COL22A1: variants seen among roughly 807,000 people sequenced by gnomAD.
COL22A1 encodes the protein collagen type XXII alpha 1 chain.
In COL22A1, 221 loss-of-function variants were observed where a neutral mutation model predicts 248.9. The observed-to-expected ratio is 0.89, with a 90% CI of 0.80 to 0.99. The LOEUF is 0.99. Among genes scored for constraint, COL22A1 ranks in the 50% least tolerant of loss-of-function variants. COL22A1 has a pLI of 0.00. For synonymous variants in COL22A1, 891 were observed against 793.4 expected, an observed-to-expected ratio of 1.12 and a Z score of -2.07; for missense variants, 2,240 against 2,179.0, an observed-to-expected ratio of 1.03 and a Z score of -0.56.
chr8:138,743,013 T>C (rs1831776857), intron 22 of COL22A1, among the ~76,000 whole-genome samples: 1 of 151,164 alleles, frequency 6.6e-6, no homozygotes, highest in African/African-American at 2.4e-5. Flanking sequence ...ATGGTAGTAG[T>C]GATTGTGATA....
chr8:138,694,599 C>G (rs576129081), intron 33 of COL22A1, 38 bp from the exon 34 acceptor site: 1 of 1,607,716 alleles, frequency 6.2e-7, no homozygotes, highest in Non-Finnish European at 8.5e-7. Context: ...AGCTCATCCT[C>G]CTGGTTCTGA....
chr8:138,880,146 T>G (rs1407540166), intron 2 of COL22A1, among the ~76,000 whole-genome samples: 1 of 152,212 alleles, frequency 6.6e-6, no homozygotes, highest in Non-Finnish European at 1.5e-5. Flanking sequence ...TAATACACAA[T>G]CACCTATGTG....
At chr8:138,826,557 G>A in intron 6 of COL22A1, 101 bp downstream of exon 6, 1 of 1,308,022 alleles carries the variant, frequency 7.6e-7, no homozygotes, top group Admixed American at 1.8e-5. Context: ...TCTAGGCCCA[G>A]GGATAAGAGC....
chr8:138,689,714 C>CA, intron 36 of COL22A1, among the ~76,000 whole-genome samples: 1 of 152,130 alleles, frequency 6.6e-6, no homozygotes, highest in South Asian at 2.1e-4. Flanking sequence ...AACTCCACCT[C>CA]AAAAAATAAA....
chr8:138,609,431 G>T (rs1257669058), intron 56 of COL22A1, among the ~76,000 whole-genome samples: 1 of 152,130 alleles, frequency 6.6e-6, no homozygotes, highest in Non-Finnish European at 1.5e-5. Flanking sequence ...GGATCCTGCT[G>T]GGAATCATGC....
At chr8:138,735,233 G>A (rs998561414) in intron 23 of COL22A1, among the ~76,000 whole-genome samples, 15 of 152,126 alleles carry the variant, frequency 9.9e-5, no homozygotes, top group African/African-American at 2.7e-4. Flanking sequence ...CGTAAGAGTG[G>A]CTGACCTGAA....
At chr8:138,858,183 C>T (rs909342823) in intron 3 of COL22A1, among the ~76,000 whole-genome samples, 2 of 152,046 alleles carry the variant, frequency 1.3e-5, no homozygotes, top group Non-Finnish European at 2.9e-5. Context: ...CTTTTCACAC[C>T]CTCCAAGGCT....
intron 41 of COL22A1, among the ~76,000 whole-genome samples, chr8:138,665,799 G>GA (rs893083019): frequency 1.9e-4 from 29 of 149,796 alleles, no homozygotes; most frequent in South Asian, 6.3e-4. Context: ...ATTACATATA[G>GA]AAAAAAAAAG....
intron 22 of COL22A1, among the ~76,000 whole-genome samples, chr8:138,740,610 T>C (rs370006181): frequency 1.1e-3 from 169 of 152,232 alleles, no homozygotes; most frequent in African/African-American, 3.9e-3. Flanking sequence ...TCAATTGATC[T>C]GGAAGAGCAG....
At chr8:138,854,809 T>A (rs556380669) in intron 3 of COL22A1, among the ~76,000 whole-genome samples, 2 of 143,662 alleles carry the variant, frequency 1.4e-5, no homozygotes, top group South Asian at 4.5e-4. Flanking sequence ...GTGATGGTGA[T>A]GATGATGGTG....
At chr8:138,816,379 G>T (rs1344788042) in intron 7 of COL22A1, among the ~76,000 whole-genome samples, 1 of 152,136 alleles carries the variant, frequency 6.6e-6, no homozygotes, top group Non-Finnish European at 1.5e-5. Flanking sequence ...ACATCACTGT[G>T]CTGCCCCACT....
chr8:138,741,955 A>AGTGATG (rs113284336), intron 22 of COL22A1, among the ~76,000 whole-genome samples: 3 of 144,448 alleles, frequency 2.1e-5, no homozygotes, highest in African/African-American at 7.8e-5. Context: ...TGATGATAGT[A>AGTGATG]GTGATGGTGA....
chr8:138,607,599 C>T (rs1368335065), intron 57 of COL22A1, among the ~76,000 whole-genome samples: 1 of 151,432 alleles, frequency 6.6e-6, no homozygotes, highest in Non-Finnish European at 1.5e-5. Context: ...AAGGGTTGCT[C>T]AGTCTGACCT....
chr8:138,882,494 TCA>T (rs999820520), intron 2 of COL22A1, among the ~76,000 whole-genome samples: 2 of 142,084 alleles, frequency 1.4e-5, no homozygotes, highest in Admixed American at 7.0e-5. Flanking sequence ...CTCGAACTCC[TCA>T]CACACTTCGT....
intron 3 of COL22A1, among the ~76,000 whole-genome samples, chr8:138,855,162 A>G (rs140073669): frequency 4.7e-4 from 72 of 152,390 alleles, no homozygotes; most frequent in African/African-American, 1.6e-3. Context: ...TGTCCAGTAC[A>G]GTGCCTGGCA....
chr8:138,661,060 AC>A (rs1823908103), intron 43 of COL22A1, among the ~76,000 whole-genome samples: 3 of 146,736 alleles, frequency 2.0e-5, no homozygotes, highest in Admixed American at 6.9e-5. Flanking sequence ...ACACGCACAC[AC>A]ACCCACATAC....
chr8:138,627,143 AAC>A (rs1421264487), intron 50 of COL22A1, among the ~76,000 whole-genome samples: 1 of 152,206 alleles, frequency 6.6e-6, no homozygotes, highest in Non-Finnish European at 1.5e-5. Flanking sequence ...AACACCTAAA[AAC>A]ACATAAGAAA....
At chr8:138,656,937 T>A (rs1000987947) in intron 44 of COL22A1, among the ~76,000 whole-genome samples, 1 of 152,200 alleles carries the variant, frequency 6.6e-6, no homozygotes, top group African/African-American at 2.4e-5. Context: ...TCCCCATCCC[T>A]GACCCCATGG....
In COL22A1 at chr8:138,670,728, G is replaced by C. The variant is rs538519201; in HGVS notation, c.3150+5830C>G. Among the ~76,000 whole-genome samples, 6 of 152,206 alleles carry C rather than the reference G, an allele frequency of 3.9e-5. No homozygotes were observed. The East Asian group carries it at 1.2e-3, about 29-fold the overall frequency. ...TAATTCCAACACTTTGGGATGCCAAGGCAAGTGGATGGCTTGGGCTCAGGA... is the reference window on the plus strand; with the variant it reads ...TAATTCCAACACTTTGGGATGCCAACGCAAGTGGATGGCTTGGGCTCAGGA... On this transcript the variant is annotated intron_variant, in intron 41 of 64. Coordinates refer to ENST00000303045, the MANE Select transcript of COL22A1 (RefSeq NM_152888.3).
Sources: allele counts gnomAD v4.1 joint callset (sites outside exome capture counted in the v4.1 genomes callset), GRCh38; gene constraint gnomAD v4.1.1; transcripts MANE v1.5; gene names NCBI Gene and HGNC (gene_info 2026-07-23, HGNC 2026-07-21).